PGPEP1L: variants seen among roughly 807,000 people sequenced by gnomAD.
The protein encoded by PGPEP1L is pyroglutamyl-peptidase I like.
Under a neutral mutation model 6.0 loss-of-function variants are expected in PGPEP1L, and 7 were observed. The ratio of observed to expected loss-of-function variants is 1.17; its 90% confidence interval spans 0.66 to 2.19. The LOEUF is 2.19. Ranked by LOEUF, PGPEP1L falls within the 30% of genes most tolerant of loss-of-function variation. The pLI, the probability that PGPEP1L is intolerant of heterozygous loss-of-function variation, is 0.00. For missense variants in PGPEP1L, 209 were observed against 192.5 expected, an observed-to-expected ratio of 1.09 and a Z score of -0.51; for synonymous variants, 103 against 83.9, an observed-to-expected ratio of 1.23 and a Z score of -1.24.
chr15:98,998,853 T>C (rs1182568409), intron 2 of PGPEP1L, among the ~76,000 whole-genome samples: 2 of 152,162 alleles, frequency 1.3e-5, no homozygotes, highest in African/African-American at 4.8e-5. Context: ...TGGGCACCTA[T>C]AATCCCAGCT....
At position 98,995,226 on chromosome 15, in the gene PGPEP1L, C is replaced by T. The variant is rs138876551; in HGVS notation, c.-142+10203G>A. Among the ~76,000 whole-genome samples the T allele has an allele frequency of 7.2e-5, 11 of 152,322 alleles. No homozygotes were observed. The East Asian group carries it at 2.1e-3, about 29-fold the overall frequency. On this transcript the variant is annotated intron_variant, in intron 2 of 4. Coordinates refer to ENST00000535714, the MANE Select transcript of PGPEP1L (RefSeq NM_001167902.2). ...TCCACATTTATTTTCTGTCTTCTTT[C>T]TGTATCTCCTTATGCTGCTCTTTTG...
At chr15:98,973,830 A>G (rs1279058622) in intron 2 of PGPEP1L, among the ~76,000 whole-genome samples, 1 of 152,204 alleles carries the variant, frequency 6.6e-6, no homozygotes, top group Non-Finnish European at 1.5e-5. Context: ...ACATTAGTAG[A>G]AGGAAAGAAA....
At chr15:98,994,607 G>A (rs1421492725) in intron 2 of PGPEP1L, among the ~76,000 whole-genome samples, 1 of 152,108 alleles carries the variant, frequency 6.6e-6, no homozygotes, top group Non-Finnish European at 1.5e-5. Context: ...AAAAAATGGA[G>A]CTATTATTAC....
At chr15:98,999,021 T>A (rs1340854817) in intron 2 of PGPEP1L, among the ~76,000 whole-genome samples, 10 of 152,134 alleles carry the variant, frequency 6.6e-5, no homozygotes, top group Admixed American at 2.0e-4. Flanking sequence ...GAGAAAATCT[T>A]AGGCTTTAAG....
intron 2 of PGPEP1L, among the ~76,000 whole-genome samples, chr15:98,989,117 C>T (rs138181518): frequency 0.011 from 1,698 of 152,236 alleles, 24 homozygotes; most frequent in African/African-American, 0.038. Context: ...GGGAACAAAA[C>T]TGGATGGAGA....
intron 2 of PGPEP1L, among the ~76,000 whole-genome samples, chr15:98,982,540 G>GT (rs2017679605): frequency 6.6e-6 from 1 of 152,074 alleles, no homozygotes; most frequent in South Asian, 2.1e-4. Context: ...GTGCATTTGG[G>GT]TTATCCAACC....
intron 2 of PGPEP1L, among the ~76,000 whole-genome samples, chr15:99,001,989 T>C (rs2017978514): frequency 6.6e-6 from 1 of 152,136 alleles, no homozygotes; most frequent in African/African-American, 2.4e-5. Flanking sequence ...AGTGCTGGGA[T>C]TATAGGCATA....
At chr15:98,995,867 T>C (rs565530508) in intron 2 of PGPEP1L, among the ~76,000 whole-genome samples, 1 of 152,206 alleles carries the variant, frequency 6.6e-6, no homozygotes, top group Non-Finnish European at 1.5e-5. Context: ...CCATTAATCC[T>C]CTTTTTGTCT....
intron 2 of PGPEP1L, among the ~76,000 whole-genome samples, chr15:98,976,987 A>T (rs937750069): frequency 4.4e-4 from 60 of 135,002 alleles, no homozygotes; most frequent in African/African-American, 1.6e-3. Context: ...GACCCTAGAG[A>T]GGTCAAGTAA....
At chr15:98,986,218 G>A (rs143595818) in intron 2 of PGPEP1L, among the ~76,000 whole-genome samples, 70 of 152,306 alleles carry the variant, frequency 4.6e-4, no homozygotes, top group East Asian at 1.9e-3. Flanking sequence ...TGTCTTTCAT[G>A]GGAATGAGGT....
chr15:98,987,583 T>C (rs2017765474), intron 2 of PGPEP1L, among the ~76,000 whole-genome samples: 1 of 152,178 alleles, frequency 6.6e-6, no homozygotes, highest in South Asian at 2.1e-4. Flanking sequence ...CCCACCTTGT[T>C]CTATGGGGTG....
At chr15:98,980,679 C>T (rs1441455082) in intron 2 of PGPEP1L, among the ~76,000 whole-genome samples, 1 of 152,132 alleles carries the variant, frequency 6.6e-6, no homozygotes, top group Non-Finnish European at 1.5e-5. Context: ...CGCCTGTAAT[C>T]CCAGCACTTT....
At chr15:98,985,858 CAGA>C (rs772757818) in intron 2 of PGPEP1L, among the ~76,000 whole-genome samples, 5 of 152,250 alleles carry the variant, frequency 3.3e-5, no homozygotes, top group Non-Finnish European at 7.3e-5. Context: ...TCCAGCTTTT[CAGA>C]AGAAGTTAGC....
chr15:99,006,134 AG>A (rs1555473601), intron 1 of PGPEP1L, among the ~76,000 whole-genome samples: 4 of 152,230 alleles, frequency 2.6e-5, no homozygotes, highest in African/African-American at 7.2e-5. Flanking sequence ...GTGGGTCCTC[AG>A]GGAAGTTAAC....
chr15:98,991,138 GA>G (rs1210799326), intron 2 of PGPEP1L, among the ~76,000 whole-genome samples: 14 of 151,420 alleles, frequency 9.2e-5, no homozygotes, highest in Admixed American at 8.5e-4. Context: ...ATAGAGGCAT[GA>G]AAAACCCTTC....
At chr15:98,978,721 T>C (rs867770074) in intron 2 of PGPEP1L, among the ~76,000 whole-genome samples, 1 of 38,556 alleles carries the variant, frequency 2.6e-5, no homozygotes, top group African/African-American at 7.3e-5. Context: ...TATATATATA[T>C]ATATATTTTT....
intron 2 of PGPEP1L, chr15:98,998,191 C>T (rs537291331): frequency 6.5e-6 from 1 of 152,802 alleles, no homozygotes; most frequent in Admixed American, 6.5e-5. Context: ...CAGGTTTGCT[C>T]AAGCCAGACC....
chr15:98,999,896 G>T (rs1555472788), intron 2 of PGPEP1L, among the ~76,000 whole-genome samples: 2 of 152,264 alleles, frequency 1.3e-5, no homozygotes, highest in Admixed American at 6.5e-5. Flanking sequence ...GGCAGTCCTT[G>T]CAGCCCTTGC....
intron 2 of PGPEP1L, among the ~76,000 whole-genome samples, chr15:98,996,382 C>G (rs543900773): frequency 6.6e-6 from 1 of 152,198 alleles, no homozygotes; most frequent in Non-Finnish European, 1.5e-5. Context: ...ATCTCCACCC[C>G]CCTTGCTGCT....
Sources: gnomAD v4.1 joint callset for allele counts (sites outside exome capture counted in the v4.1 genomes callset) on GRCh38, gnomAD v4.1.1 for gene constraint, MANE v1.5 for transcripts, NCBI Gene and HGNC (gene_info 2026-07-23, HGNC 2026-07-21) for gene names.